Variants in SLC25A42 observed in about 807,000 individuals in gnomAD.
SLC25A42 encodes the protein solute carrier family 25 member 42.
SLC25A42 carries 19 observed loss-of-function variants against 34.7 expected under a neutral mutation model. The observed-to-expected ratio is 0.55, with a 90% confidence interval of 0.38 to 0.80. The LOEUF is 0.80. Among genes scored for constraint, SLC25A42 ranks in the 30% least tolerant of loss-of-function variants. The pLI is 0.00. For missense variants in SLC25A42, 364 were observed against 441.3 expected (o/e 0.82, Z 1.57); for synonymous variants, 205 against 191.2 (o/e 1.07, Z -0.59).
rs371656351 is a variant in SLC25A42 at position 19,100,060 on chromosome 19, G to A, written c.82-1721G>A. ...GGTCATATTAAAAATAGCCCATTTCGGCCGGGCGCGGTGTCTCATGCTTGT... is the reference window on the plus strand; with the variant it reads ...GGTCATATTAAAAATAGCCCATTTCAGCCGGGCGCGGTGTCTCATGCTTGT... On this transcript the variant is annotated intron_variant, in intron 2 of 7. Coordinates refer to ENST00000318596, the MANE Select transcript of SLC25A42 (RefSeq NM_178526.5). Among the ~76,000 whole-genome samples, 194 of 151,842 alleles carry A rather than the reference G, an allele frequency of 1.3e-3. 5 individuals are homozygous for A. The South Asian group carries it at 0.035, about 27-fold the overall frequency.
chr19:19,072,558 C>G (rs541864595), intron 1 of SLC25A42, among the ~76,000 whole-genome samples: 1 of 151,916 alleles, frequency 6.6e-6, no homozygotes, highest in South Asian at 2.1e-4. Flanking sequence ...TTGTATTTAG[C>G]CAGGCGTGGA....
intron 1 of SLC25A42, among the ~76,000 whole-genome samples, chr19:19,082,352 GTCTA>G (rs1463539355): frequency 6.6e-6 from 1 of 152,088 alleles, no homozygotes; most frequent in Non-Finnish European, 1.5e-5. Flanking sequence ...GTTCTCCTGC[GTCTA>G]TCTTTGTTCG....
intron 7 of SLC25A42, 63 bp from the exon 8 acceptor site, chr19:19,110,498 GCGCGCGCA>G: frequency 7.6e-7 from 1 of 1,316,222 alleles, no homozygotes; most frequent in Non-Finnish European, 9.8e-7. Context: ...GGGTGCAAAG[GCGCGCGCA>G]CGGGTGCGGG....
intron 7 of SLC25A42, 69 bp from the exon 8 acceptor site, chr19:19,110,500 G>A (rs1039017410): frequency 7.6e-7 from 1 of 1,321,556 alleles, no homozygotes; most frequent in African/African-American, 1.6e-5. Context: ...GTGCAAAGGC[G>A]CGCGCACGGG....
rs752014090 is a variant in SLC25A42, at chr19:19,106,406, T to C, written c.497+21T>C. The C allele has an allele frequency of 2.5e-6, 4 of 1,591,524 alleles. No individual in the cohort carries two copies. The East Asian group carries it at 9.1e-5, about 36-fold the overall frequency. On this transcript the variant is annotated intron_variant, in intron 6 of 7. Coordinates refer to ENST00000318596, the MANE Select transcript of SLC25A42 (RefSeq NM_178526.5). Reference sequence around the variant, plus strand: ...GAAATGTGAGTCCTTACATCGGTGATGCGCATCAGCCCCGGGGGCTCTGTG... The same window carrying C: ...GAAATGTGAGTCCTTACATCGGTGACGCGCATCAGCCCCGGGGGCTCTGTG...
intron 1 of SLC25A42, among the ~76,000 whole-genome samples, chr19:19,071,637 TGGGC>T (rs2059630460): frequency 6.6e-6 from 1 of 152,022 alleles, no homozygotes; most frequent in African/African-American, 2.4e-5. Flanking sequence ...GAGGCCGAGG[TGGGC>T]GGAGCACCTG....
rs1467435725 is a variant in SLC25A42, at chr19:19,072,751, C to T, written c.-35+8636C>T. ...CTAGAGTGCAGTGGTGTAATCACAG[C>T]ACATGCAGCCTCGACCTCCTGGGTT... On this transcript the variant is annotated intron_variant, in intron 1 of 7. Coordinates refer to ENST00000318596, the MANE Select transcript of SLC25A42 (RefSeq NM_178526.5). Among the ~76,000 whole-genome samples, 4 of 152,252 alleles carry T rather than the reference C, an allele frequency of 2.6e-5. No homozygotes were observed. The South Asian group carries it at 8.3e-4, about 32-fold the overall frequency.
intron 1 of SLC25A42, among the ~76,000 whole-genome samples, chr19:19,069,027 TA>T (rs5827428): frequency 0.71 from 101,092 of 142,540 alleles, 36,199 homozygotes; most frequent in East Asian, 0.87. Flanking sequence ...TCTGTCTCTT[TA>T]AAAAAAAAAA....
chr19:19,107,822 G>C, intron 6 of SLC25A42, 72 bp from the exon 7 acceptor site: 1 of 1,562,716 alleles, frequency 6.4e-7, no homozygotes, highest in Non-Finnish European at 8.8e-7. Flanking sequence ...GGGAGGAGCC[G>C]AGAGCCTCTG....
At position 19,100,428 on chromosome 19, in the gene SLC25A42, G is replaced by C. The variant is rs145678123; in HGVS notation, c.82-1353G>C. The stretch of plus-strand genomic sequence containing the variant: ...TAGGATCTAGCACCCACCTCTCTTT[G>C]CCATCTCCTTTCTCTTCTCTGGGCC... On this transcript the variant is annotated intron_variant, in intron 2 of 7. Transcript: ENST00000318596. Among the ~76,000 whole-genome samples the C allele has an allele frequency of 4.3e-3, 647 of 152,174 alleles. 7 individuals are homozygous for C. The highest frequency in any genetic ancestry group is 0.015 in the African/African-American group (625 of 41,524).
intron 2 of SLC25A42, among the ~76,000 whole-genome samples, chr19:19,099,260 C>T (rs923498283): frequency 2.6e-5 from 4 of 152,218 alleles, no homozygotes; most frequent in African/African-American, 9.6e-5. Flanking sequence ...AACTCCATGG[C>T]GAAGTTTGGC....
intron 6 of SLC25A42, 101 bp from the exon 7 acceptor site, chr19:19,107,793 C>A: frequency 1.6e-6 from 2 of 1,242,446 alleles, no homozygotes. Flanking sequence ...TCCAGACACA[C>A]CCAGGCCCAG....
intron 1 of SLC25A42, among the ~76,000 whole-genome samples, chr19:19,079,115 G>A (rs2059669205): frequency 6.6e-6 from 1 of 151,248 alleles, no homozygotes; most frequent in African/African-American, 2.4e-5. Flanking sequence ...GAGTGCAATG[G>A]CGCAATCTCG....
chr19:19,103,949 C>G (rs997614864), intron 3 of SLC25A42, among the ~76,000 whole-genome samples: 4 of 152,076 alleles, frequency 2.6e-5, no homozygotes, highest in Admixed American at 1.3e-4. Context: ...CTCTGTCCCC[C>G]TGGCTGGAGT....
intron 1 of SLC25A42, among the ~76,000 whole-genome samples, chr19:19,072,652 G>C (rs2059637061): frequency 1.3e-5 from 2 of 151,700 alleles, no homozygotes; most frequent in African/African-American, 4.8e-5. Context: ...CAAAATGCTG[G>C]GATTACAGGC....
rs1423177619 is a variant in SLC25A42, at chr19:19,108,011, C to T, written c.615C>T (p.Phe205=). The T allele has an allele frequency of 6.2e-7, 1 of 1,607,590 alleles. No homozygotes were observed. Among genetic ancestry groups the T allele is most frequent in the Non-Finnish European group, 8.5e-7 (1 of 1,176,194 alleles). The change falls in exon 7 of 8, where the codon TTC becomes TTT. Residue 205 remains phenylalanine (F), a synonymous_variant. Transcript: ENST00000318596. Reference sequence around the variant, plus strand: ...TCATTCCCTACGCTGGCCTGAGCTTCTTCACCTATGAGACGCTCAAGAGCT... The same window carrying T: ...TCATTCCCTACGCTGGCCTGAGCTTTTTCACCTATGAGACGCTCAAGAGCT... ...LGVIPYAGLS[F]FTYETLKSLH...
intron 1 of SLC25A42, among the ~76,000 whole-genome samples, chr19:19,067,427 T>A (rs868582900): frequency 1.4e-4 from 21 of 151,708 alleles, no homozygotes; most frequent in Non-Finnish European, 2.2e-4. Context: ...ATAAAAAAAA[T>A]TTTAAAATTA....
intron 1 of SLC25A42, among the ~76,000 whole-genome samples, chr19:19,083,781 C>G (rs1436005127): frequency 6.6e-6 from 1 of 152,126 alleles, no homozygotes; most frequent in African/African-American, 2.4e-5. Flanking sequence ...CTCCTGCATA[C>G]CCCACTGCCC....
chr19:19,097,161 C>T (rs1280641668), intron 2 of SLC25A42, among the ~76,000 whole-genome samples: 1 of 152,188 alleles, frequency 6.6e-6, no homozygotes. Flanking sequence ...CCCAGCCCCA[C>T]GCAGAAATCA....
Sources: gnomAD v4.1 joint callset for allele counts (sites outside exome capture counted in the v4.1 genomes callset) on GRCh38, gnomAD v4.1.1 for gene constraint, MANE v1.5 for transcripts, NCBI Gene and HGNC (gene_info 2026-07-23, HGNC 2026-07-21) for gene names.